The following CUX1 variants were observed in gnomAD, a reference collection of about 807,000 sequenced individuals.
CUX1 encodes the protein protein CASP.
CUX1 carries 31 observed loss-of-function variants against 158.8 expected under a neutral mutation model. That is an observed-to-expected ratio of 0.20 (90% CI 0.15 to 0.26). The LOEUF is 0.26. Among genes scored for constraint, CUX1 ranks in the 10% least tolerant of loss-of-function variants. The pLI is 1.00. For missense variants in CUX1, 1,589 were observed against 2,014.6 expected (o/e 0.79, Z 4.04); for synonymous variants, 879 against 862.1 (o/e 1.02, Z -0.34).
intron 8 of CUX1, among the ~76,000 whole-genome samples, chr7:102,142,254 A>G (rs1834545277): frequency 6.6e-6 from 1 of 152,206 alleles, no homozygotes; most frequent in Admixed American, 6.5e-5. Context: ...TGTTGGAGGT[A>G]CAGGCGGGAT....
intron 19 of CUX1, among the ~76,000 whole-genome samples, 191 bp from the exon 20 acceptor site, chr7:102,204,923 G>A (rs1795794793): frequency 6.6e-6 from 1 of 152,230 alleles, no homozygotes; most frequent in Non-Finnish European, 1.5e-5. Flanking sequence ...TGTCACAGGC[G>A]AAACCTTTCA....
chr7:102,237,702 G>A (rs1437507962), intron 22 of CUX1, among the ~76,000 whole-genome samples: 2 of 152,194 alleles, frequency 1.3e-5, no homozygotes, highest in African/African-American at 4.8e-5. Context: ...GGAGACGAGA[G>A]AGTATAGAAA....
chr7:102,256,150 G>C lies in CUX1; in HGVS notation c.*7108G>C. 1.0e-6 allele frequency: 1 copy of C among 985,420 alleles called. No homozygotes were observed. Among genetic ancestry groups the C allele is most frequent in the Non-Finnish European group, 1.2e-6 (1 of 829,932 alleles). The allele number at this position is 985,420 out of a possible 1,614,324, so 61.0% of individuals were successfully genotyped here. A position where few individuals can be genotyped will look rare whatever the true frequency, so the allele number is the denominator to read the frequency against. ...CTCTGGCCGGAGCCGCTGGCCTGAC[G>C]AGGCAGGATAGGGAGTATCCGTGAT... On this transcript the variant is annotated 3_prime_UTR_variant, in exon 24 of 24. Coordinates refer to ENST00000292535, the MANE Select transcript of CUX1 (RefSeq NM_181552.4).
intron 11 of CUX1, among the ~76,000 whole-genome samples, chr7:102,181,202 A>G (rs1563364146): frequency 1.3e-5 from 2 of 151,926 alleles, no homozygotes. Context: ...CCGCCTCCCA[A>G]ATGCTGGAAT....
At chr7:102,280,145 G>A (rs782311496) in intron 19 of CUX1, 3 of 1,512,950 alleles carry the variant, frequency 2.0e-6, no homozygotes, top group Non-Finnish European at 1.8e-6. Context: ...CCTGGGCAGG[G>A]GAGGGGAGGG....
intron 10 of CUX1, among the ~76,000 whole-genome samples, chr7:102,177,249 A>C (rs138073410): frequency 2.6e-5 from 4 of 151,772 alleles, no homozygotes; most frequent in African/African-American, 9.7e-5. Context: ...CCCCATCTCT[A>C]CTAAAAATAC....
At chr7:101,924,938 G>T (rs1055196892) in intron 2 of CUX1, among the ~76,000 whole-genome samples, 4 of 152,070 alleles carry the variant, frequency 2.6e-5, no homozygotes, top group African/African-American at 9.7e-5. Context: ...ATATGTCAGT[G>T]TTACCCACTG....
At chr7:102,170,324 G>A in intron 9 of CUX1, 122 bp from the exon 10 acceptor site, 1 of 672,454 alleles carries the variant, frequency 1.5e-6, no homozygotes, top group Non-Finnish European at 2.5e-6. Flanking sequence ...GCATTTATTA[G>A]GTTGAGTGTT....
At chr7:101,992,524 G>C (rs902128238) in intron 2 of CUX1, among the ~76,000 whole-genome samples, 3 of 152,164 alleles carry the variant, frequency 2.0e-5, no homozygotes, top group Non-Finnish European at 4.4e-5. Flanking sequence ...CACACCCTAC[G>C]TGCCCCATGC....
rs1801494486 is a variant in CUX1 at position 102,251,446 on chromosome 7, A to C, written c.*2404A>C. On this transcript the variant is annotated 3_prime_UTR_variant, in exon 24 of 24. Transcript: ENST00000292535. ...CACGTTTTCACAAATTTCAAGAGTCACTACACTAAAGACAATGCCTTTTCA... is the reference window on the plus strand; with the variant it reads ...CACGTTTTCACAAATTTCAAGAGTCCCTACACTAAAGACAATGCCTTTTCA... 2.0e-6 allele frequency: 2 copies of C among 985,330 alleles called. No individual in the cohort carries two copies. Among genetic ancestry groups the C allele is most frequent in the African/African-American group, 1.7e-5 (1 of 57,240 alleles). 61.0% of individuals were successfully genotyped at this position (985,330 alleles called of 1,614,324 possible).
chr7:101,889,442 C>T (rs1291017160), intron 1 of CUX1, among the ~76,000 whole-genome samples: 2 of 152,132 alleles, frequency 1.3e-5, no homozygotes, highest in African/African-American at 2.4e-5. Context: ...CATAAAATGG[C>T]CTTGAGAAAA....
intron 1 of CUX1, among the ~76,000 whole-genome samples, chr7:101,849,938 T>TG (rs1317336688): frequency 1.4e-5 from 2 of 141,220 alleles, no homozygotes; most frequent in African/African-American, 5.3e-5. Context: ...TTTTTTTTTT[T>TG]GACAGGGTCT....
intron 2 of CUX1, among the ~76,000 whole-genome samples, chr7:101,992,894 T>C (rs1815332988): frequency 6.6e-6 from 1 of 151,144 alleles, no homozygotes; most frequent in Admixed American, 6.6e-5. Context: ...TAGGGAATAA[T>C]ACGTCTGTGA....
At chr7:102,135,411 G>A (rs1414191306) in intron 8 of CUX1, among the ~76,000 whole-genome samples, 2 of 152,080 alleles carry the variant, frequency 1.3e-5, no homozygotes, top group African/African-American at 4.8e-5. Context: ...AGGAAGAGGA[G>A]GGTTGGTCTC....
chr7:102,102,988 T>C (rs1386855989), intron 5 of CUX1, among the ~76,000 whole-genome samples: 1 of 152,136 alleles, frequency 6.6e-6, no homozygotes, highest in African/African-American at 2.4e-5. Flanking sequence ...CACAGGTCTG[T>C]TCCATTCATC....
intron 8 of CUX1, among the ~76,000 whole-genome samples, chr7:102,119,126 T>C (rs575948889): frequency 6.6e-6 from 1 of 152,298 alleles, no homozygotes; most frequent in East Asian, 1.9e-4. Flanking sequence ...GAGGCTAAGC[T>C]GTCGAGAGAT....
intron 2 of CUX1, among the ~76,000 whole-genome samples, chr7:101,937,506 A>G (rs1807084379): frequency 6.6e-6 from 1 of 150,774 alleles, no homozygotes; most frequent in Non-Finnish European, 1.5e-5. Context: ...ATCAAAATCA[A>G]GTCTTTTTTT....
intron 2 of CUX1, among the ~76,000 whole-genome samples, chr7:101,972,710 G>A (rs1047696861): frequency 2.6e-5 from 4 of 152,212 alleles, no homozygotes. Flanking sequence ...GAAGGACTCC[G>A]GCCCCAATGC....
At chr7:102,060,093 G>C (rs1165433962) in intron 3 of CUX1, among the ~76,000 whole-genome samples, 1 of 148,232 alleles carries the variant, frequency 6.7e-6, no homozygotes, top group South Asian at 2.2e-4. Context: ...GGCTAACATG[G>C]TGAAACCCTG....
Sources: gnomAD v4.1 joint callset for allele counts (sites outside exome capture counted in the v4.1 genomes callset) on GRCh38, gnomAD v4.1.1 for gene constraint, MANE v1.5 for transcripts, NCBI Gene and HGNC (gene_info 2026-07-23, HGNC 2026-07-21) for gene names.